The following SEC14L5 variants were observed in gnomAD, a reference collection of about 807,000 sequenced individuals.
The protein encoded by SEC14L5 is SEC14-like protein 5.
Under a neutral mutation model 84.6 loss-of-function variants are expected in SEC14L5, and 96 were observed. The observed-to-expected ratio is 1.13, with a 90% CI of 0.96 to 1.34. The LOEUF (loss-of-function observed/expected upper bound fraction) is 1.34, where lower values mean the gene tolerates loss of function less well. Among genes scored for constraint, SEC14L5 ranks in the 40% most tolerant of loss-of-function variants. The pLI is 0.00. For missense variants in SEC14L5, 1,224 were observed against 942.5 expected, an observed-to-expected ratio of 1.30 and a Z score of -3.91; for synonymous variants, 546 against 383.4, an observed-to-expected ratio of 1.42 and a Z score of -4.95.
At chr16:4,990,703 C>T in intron 4 of SEC14L5, 64 bp from the exon 5 acceptor site, 1 of 1,520,150 alleles carries the variant, frequency 6.6e-7, no homozygotes. Flanking sequence ...AGTGGGAGAG[C>T]CCTAGGGGAG....
intron 12 of SEC14L5, among the ~76,000 whole-genome samples, chr16:5,006,963 G>A (rs1007435550): frequency 7.9e-5 from 12 of 152,244 alleles, no homozygotes; most frequent in African/African-American, 2.9e-4. Context: ...ACCCCCGCCT[G>A]TGACGGGGAG....
At chr16:4,969,004 T>C (rs1401302333) in intron 2 of SEC14L5, among the ~76,000 whole-genome samples, 3 of 152,280 alleles carry the variant, frequency 2.0e-5, no homozygotes, top group Non-Finnish European at 4.4e-5. Context: ...GGATTCGCTG[T>C]TACGGAGGTA....
chr16:4,965,432 C>T (rs1158479804), intron 2 of SEC14L5, among the ~76,000 whole-genome samples: 12 of 151,740 alleles, frequency 7.9e-5, no homozygotes, highest in South Asian at 4.1e-4. Context: ...GAGGCCGAGG[C>T]GGGCGGATCA....
chr16:4,975,644 T>C (rs1239927127), intron 2 of SEC14L5, among the ~76,000 whole-genome samples: 1 of 152,216 alleles, frequency 6.6e-6, no homozygotes, highest in East Asian at 1.9e-4. Context: ...CATGTGTATG[T>C]GTCTTTTTCA....
At chr16:4,999,804 A>G (rs944483893) in intron 8 of SEC14L5, among the ~76,000 whole-genome samples, 6 of 151,920 alleles carry the variant, frequency 3.9e-5, no homozygotes, top group African/African-American at 1.2e-4. Flanking sequence ...AGTCCCAGCT[A>G]CCTGGGAGGC....
chr16:4,992,676 C>T (rs569935918), intron 6 of SEC14L5, among the ~76,000 whole-genome samples: 15 of 152,332 alleles, frequency 9.8e-5, no homozygotes, highest in African/African-American at 3.6e-4. Flanking sequence ...ATTGCTATTG[C>T]TATTTTAAAT....
rs1256980188 is a variant in SEC14L5, at chr16:4,996,960, C to A, written c.886C>A (p.Gln296Lys). 3 of 1,613,530 alleles carry A rather than the reference C, an allele frequency of 1.9e-6. No homozygotes were observed. In the Admixed American group the frequency reaches 5.0e-5, roughly 27 times the overall value. The change falls in exon 8 of 16, where the codon CAG becomes AAG. Residue 296 changes from glutamine (Q) to lysine (K), a missense_variant. Coordinates refer to ENST00000251170, the MANE Select transcript of SEC14L5 (RefSeq NM_014692.2). Reference sequence around the variant, plus strand: ...GTCCTTGAGCTGGCGCAAGCAGCACCAGGTGGATCTCCTCCTTCAGACCTG... The same window carrying A: ...GTCCTTGAGCTGGCGCAAGCAGCACAAGGTGGATCTCCTCCTTCAGACCTG... ...RQSLSWRKQH[Q>K]VDLLLQTWQP...
intron 14 of SEC14L5, 119 bp downstream of exon 14, chr16:5,008,767 C>A (rs1955765720): frequency 2.3e-6 from 2 of 851,306 alleles, no homozygotes; most frequent in Non-Finnish European, 3.7e-6. Context: ...GCCTCAGGGA[C>A]CCTGCAGGAC....
intron 3 of SEC14L5, 23 bp from the exon 4 acceptor site, chr16:4,988,101 GCTCCACGCCGCCCACCCACCTCCGC>G: frequency 1.2e-6 from 2 of 1,606,172 alleles, no homozygotes; most frequent in Non-Finnish European, 1.7e-6. Flanking sequence ...ATTCCTGTGT[GCTCCACGCCGCCCACCCACCTCCGC>G]CTCCCCGCCC....
rs746447241 is a variant in SEC14L5 at position 5,015,008 on chromosome 16, G to GTGTCCAGAAA, written c.*48_*57dup. The GTGTCCAGAAA allele has an allele frequency of 1.4e-5, 21 of 1,501,656 alleles. No individual in the cohort carries two copies. The African/African-American group carries it at 1.8e-4, about 13-fold the overall frequency. The allele number at this position is 1,501,656 out of a possible 1,614,324, so 93.0% of individuals were successfully genotyped here. On this transcript the variant is annotated 3_prime_UTR_variant, in exon 16 of 16. Coordinates refer to ENST00000251170, the MANE Select transcript of SEC14L5 (RefSeq NM_014692.2). ...TTTCAGGGCCGCCCGCTCGCCTCCA[G>GTGTCCAGAAA]TGTCCAGAAATGTCCAGAATGAGAA...
Position 5,003,576 on chromosome 16 carries a change from A to G in SEC14L5, c.1302+3A>G. ...TCTTCCCCGTGCTCTGGACACTGGTAAGAGCTGGAGCCTGGGCCAGGACTC... is the reference window on the plus strand; with the variant it reads ...TCTTCCCCGTGCTCTGGACACTGGTGAGAGCTGGAGCCTGGGCCAGGACTC... On this transcript the variant is annotated splice_donor_region_variant and intron_variant, in intron 11 of 15. Transcript: ENST00000251170. 1.5e-6 allele frequency: 2 copies of G among 1,303,014 alleles called. No homozygotes were observed. The highest frequency in any genetic ancestry group is 3.1e-5 in the African/African-American group (2 of 63,586). The allele number at this position is 1,303,014 out of a possible 1,614,324, so 80.7% of individuals were successfully genotyped here. A position where few individuals can be genotyped will look rare whatever the true frequency, so the allele number is the denominator to read the frequency against.
At chr16:4,981,652 G>T (rs1289625163) in intron 2 of SEC14L5, among the ~76,000 whole-genome samples, 2 of 152,154 alleles carry the variant, frequency 1.3e-5, no homozygotes, top group African/African-American at 4.8e-5. Flanking sequence ...CTGAGCAAAC[G>T]GTTCTTGGAG....
intron 4 of SEC14L5, 110 bp downstream of exon 4, chr16:4,988,390 C>G (rs1568126459): frequency 6.0e-5 from 81 of 1,343,754 alleles, no homozygotes; most frequent in Non-Finnish European, 8.1e-5. Context: ...CAAGCCCTCC[C>G]TCCTGGGGCA....
At chr16:4,994,111 A>C (rs1227295516) in intron 6 of SEC14L5, among the ~76,000 whole-genome samples, 1 of 152,182 alleles carries the variant, frequency 6.6e-6, no homozygotes, top group African/African-American at 2.4e-5. Context: ...TTTTATGGAC[A>C]TGGAAAATGT....
intron 2 of SEC14L5, among the ~76,000 whole-genome samples, chr16:4,984,225 A>G (rs1312979817): frequency 1.3e-5 from 2 of 152,050 alleles, no homozygotes; most frequent in East Asian, 3.9e-4. Context: ...GCAACCACTA[A>G]TCTACTTTCT....
chr16:4,991,935 C>A lies in SEC14L5; in HGVS notation c.572C>A (p.Ala191Asp), dbSNP rs780962430. The change falls in exon 6 of 16, where the codon GCC becomes GAC. Residue 191 changes from alanine to aspartate, a missense_variant. Ala to Asp is a moderately radical substitution (Grantham distance 126). Coordinates refer to ENST00000251170, the MANE Select transcript of SEC14L5 (RefSeq NM_014692.2). ...WTPAPVREED[A>D]RNQAGPRDPS... ...CCTGCCCCAGTCCGTGAGGAGGATG[C>A]CCGCAACCAGGCTGGACCGAGGGAC... 112 of 1,602,798 alleles carry A rather than the reference C, an allele frequency of 7.0e-5. No homozygotes were observed. Among genetic ancestry groups the A allele is most frequent in the Non-Finnish European group, 8.6e-5 (101 of 1,177,380 alleles).
intron 2 of SEC14L5, among the ~76,000 whole-genome samples, chr16:4,967,329 C>G (rs1955213132): frequency 6.6e-6 from 1 of 152,098 alleles, no homozygotes; most frequent in African/African-American, 2.4e-5. Context: ...TATAAGGACA[C>G]CAGTCATATT....
chr16:4,996,971 C>G lies in SEC14L5; in HGVS notation c.897C>G (p.Leu299=). Residue 299 remains leucine, a synonymous_variant, in exon 8 of 16, where the codon CTC becomes CTG. Transcript: ENST00000251170. The stretch of plus-strand genomic sequence containing the variant: ...GGCGCAAGCAGCACCAGGTGGATCT[C>G]CTCCTTCAGACCTGGCAACCCCCTG... ...LSWRKQHQVD[L]LLQTWQPPAL... The G allele has an allele frequency of 6.2e-7, 1 of 1,613,636 alleles. No individual in the cohort carries two copies. Among genetic ancestry groups the G allele is most frequent in the African/African-American group, 1.3e-5 (1 of 75,058 alleles).
intron 2 of SEC14L5, among the ~76,000 whole-genome samples, chr16:4,975,311 A>C (rs1207234130): frequency 6.6e-6 from 1 of 151,696 alleles, no homozygotes; most frequent in Non-Finnish European, 1.5e-5. Flanking sequence ...TCTCCACTAA[A>C]AGTACAAAAA....
Sources: gnomAD v4.1 joint callset for allele counts (sites outside exome capture counted in the v4.1 genomes callset) on GRCh38, gnomAD v4.1.1 for gene constraint, MANE v1.5 for transcripts, NCBI Gene and HGNC (gene_info 2026-07-23, HGNC 2026-07-21) for gene names.